Variants in GAREM1 observed in about 807,000 individuals in gnomAD.
GAREM1 encodes the protein GRB2-associated and regulator of MAPK protein 1.
A neutral mutation model predicts 71.3 loss-of-function variants in GAREM1; 26 were observed. The observed-to-expected ratio is 0.36, with a 90% confidence interval of 0.27 to 0.51. The LOEUF (loss-of-function observed/expected upper bound fraction) is 0.51. GAREM1 is among the 20% of genes least tolerant of loss of function. The pLI, the probability that GAREM1 is intolerant of heterozygous loss-of-function variation, is 0.95. For synonymous variants in GAREM1, 440 were observed against 433.2 expected, an observed-to-expected ratio of 1.02 and a Z score of -0.20; for missense variants, 1,026 against 1,103.1, an observed-to-expected ratio of 0.93 and a Z score of 0.99.
At chr18:32,401,883 C>G (rs1308146485) in intron 1 of GAREM1, among the ~76,000 whole-genome samples, 1 of 152,194 alleles carries the variant, frequency 6.6e-6, no homozygotes, top group African/African-American at 2.4e-5. Flanking sequence ...TTAAGTCCTA[C>G]TGCTAGCTGG....
At chr18:32,364,006 A>T (rs1567980528) in intron 2 of GAREM1, among the ~76,000 whole-genome samples, 1 of 41,950 alleles carries the variant, frequency 2.4e-5, no homozygotes, top group African/African-American at 1.4e-4. Context: ...ATATATATAT[A>T]TATATATATA....
intron 1 of GAREM1, among the ~76,000 whole-genome samples, chr18:32,404,539 T>A (rs2048347959): frequency 1.3e-5 from 2 of 152,152 alleles, no homozygotes; most frequent in African/African-American, 2.4e-5. Flanking sequence ...TGCTAGTATA[T>A]TAAGGTGTTT....
Position 32,426,786 on chromosome 18 carries a change from C to T in GAREM1, c.122-33751G>A, listed in dbSNP as rs540031579. ...TTTTTCAACCATTTTTATTCATAAGCTTGTCAAACTGTTTTAACAATTTTC... is the reference window on the plus strand; with the variant it reads ...TTTTTCAACCATTTTTATTCATAAGTTTGTCAAACTGTTTTAACAATTTTC... On this transcript the variant is annotated intron_variant, in intron 1 of 5. Coordinates refer to ENST00000269209, the MANE Select transcript of GAREM1 (RefSeq NM_001242409.2). 2.6e-5 allele frequency among the ~76,000 whole-genome samples: 4 copies of T among 152,292 alleles called. No individual in the cohort carries two copies. The East Asian group carries it at 7.7e-4, about 29-fold the overall frequency.
chr18:32,344,210 G>T lies in GAREM1; in HGVS notation c.263-33887C>A, dbSNP rs1598976515. The stretch of plus-strand genomic sequence containing the variant: ...ACTGTAGGCTGTTTCTTTAGGAATT[G>T]ATCTCTTTTTGGACCCAGATACTCA... On this transcript the variant is annotated intron_variant, in intron 2 of 5. Coordinates refer to ENST00000269209, the MANE Select transcript of GAREM1 (RefSeq NM_001242409.2). Among the ~76,000 whole-genome samples, 4 of 152,130 alleles carry T rather than the reference G, an allele frequency of 2.6e-5. No homozygotes were observed. In the South Asian group the frequency reaches 8.3e-4, roughly 32 times the overall value.
chr18:32,404,510 G>A (rs577810831), intron 1 of GAREM1, among the ~76,000 whole-genome samples: 1 of 151,460 alleles, frequency 6.6e-6, no homozygotes, highest in African/African-American at 2.4e-5. Flanking sequence ...TGTGATTTTA[G>A]TTAATTCTAT....
chr18:32,419,560 A>G lies in GAREM1; in HGVS notation c.122-26525T>C, dbSNP rs143421903. On this transcript the variant is annotated intron_variant, in intron 1 of 5. Coordinates refer to ENST00000269209, the MANE Select transcript of GAREM1 (RefSeq NM_001242409.2). ...ACTGGCACTGTGATCCTGGAATGCCAGCCTCCAGAACTGTGAGAAATAAAT... is the reference window on the plus strand; with the variant it reads ...ACTGGCACTGTGATCCTGGAATGCCGGCCTCCAGAACTGTGAGAAATAAAT... 1.1e-3 allele frequency among the ~76,000 whole-genome samples: 166 copies of G among 152,318 alleles called. 1 individual carries two copies. The highest frequency in any genetic ancestry group is 3.7e-3 in the African/African-American group (153 of 41,580).
intron 3 of GAREM1, among the ~76,000 whole-genome samples, chr18:32,308,045 C>T (rs1419843651): frequency 1.3e-5 from 2 of 152,132 alleles, no homozygotes; most frequent in African/African-American, 2.4e-5. Flanking sequence ...TTTAATGATT[C>T]ATGCAAGCTA....
intron 1 of GAREM1, among the ~76,000 whole-genome samples, chr18:32,427,491 T>C (rs139310478): frequency 1.1e-4 from 16 of 152,304 alleles, no homozygotes; most frequent in African/African-American, 3.1e-4. Context: ...CTTGAAATGA[T>C]TGCAATGGTG....
At chr18:32,306,302 C>A (rs995866636) in intron 3 of GAREM1, among the ~76,000 whole-genome samples, 4 of 152,098 alleles carry the variant, frequency 2.6e-5, no homozygotes, top group Non-Finnish European at 5.9e-5. Flanking sequence ...CTTCTAGACC[C>A]CTAAATGCTG....
At chr18:32,375,867 A>C (rs1382020709) in intron 2 of GAREM1, among the ~76,000 whole-genome samples, 1 of 152,222 alleles carries the variant, frequency 6.6e-6, no homozygotes, top group Non-Finnish European at 1.5e-5. Flanking sequence ...GGTCTTCATA[A>C]AAGGGTTGAA....
chr18:32,421,720 T>A (rs1225334694), intron 1 of GAREM1, among the ~76,000 whole-genome samples: 1 of 152,142 alleles, frequency 6.6e-6, no homozygotes, highest in African/African-American at 2.4e-5. Context: ...TCCCCCATAT[T>A]ACCCAAGCTA....
Position 32,267,204 on chromosome 18 carries a change from T to C in GAREM1, c.*667A>G, listed in dbSNP as rs1033893213. 6.6e-6 allele frequency: 1 copy of C among 152,250 alleles called. No homozygotes were observed. The highest frequency in any genetic ancestry group is 2.4e-5 in the African/African-American group (1 of 41,466). The allele number at this position is 152,250 out of a possible 1,614,324, so 9.4% of individuals were successfully genotyped here. On this transcript the variant is annotated 3_prime_UTR_variant, in exon 6 of 6. Transcript: ENST00000269209. The stretch of plus-strand genomic sequence containing the variant: ...CCTATACATGTTTATATATGTATAT[T>C]CTTTTTTCTCTGCTCAATAAAATTA...
intron 2 of GAREM1, among the ~76,000 whole-genome samples, chr18:32,386,464 T>C (rs1422722778): frequency 6.6e-6 from 1 of 152,216 alleles, no homozygotes; most frequent in African/African-American, 2.4e-5. Context: ...CTTACTTCTG[T>C]ACATATTACA....
At chr18:32,442,671 TGGCA>T (rs931856794) in intron 1 of GAREM1, among the ~76,000 whole-genome samples, 2 of 152,202 alleles carry the variant, frequency 1.3e-5, no homozygotes, top group African/African-American at 4.8e-5. Flanking sequence ...ATATGGGATG[TGGCA>T]GTTCCCAAGT....
chr18:32,436,755 C>A (rs1311659909), intron 1 of GAREM1, among the ~76,000 whole-genome samples: 1 of 152,072 alleles, frequency 6.6e-6, no homozygotes, highest in Admixed American at 6.6e-5. Flanking sequence ...CTAAAATGGA[C>A]AAAATCTCAA....
At chr18:32,449,187 A>G (rs1386789378) in intron 1 of GAREM1, among the ~76,000 whole-genome samples, 1 of 152,178 alleles carries the variant, frequency 6.6e-6, no homozygotes, top group Non-Finnish European at 1.5e-5. Context: ...ATGTATGTAA[A>G]GTGTTGTACA....
At chr18:32,315,706 T>C (rs1385855903) in intron 2 of GAREM1, among the ~76,000 whole-genome samples, 1 of 152,016 alleles carries the variant, frequency 6.6e-6, no homozygotes, top group African/African-American at 2.4e-5. Context: ...CTGCATTCCC[T>C]TAAAACTGTG....
intron 2 of GAREM1, among the ~76,000 whole-genome samples, chr18:32,343,765 G>A (rs1368371700): frequency 6.6e-6 from 1 of 152,040 alleles, no homozygotes; most frequent in Non-Finnish European, 1.5e-5. Context: ...AGGAAATACT[G>A]TTGCCATCTG....
At chr18:32,397,951 T>C (rs2048274366) in intron 1 of GAREM1, among the ~76,000 whole-genome samples, 1 of 152,094 alleles carries the variant, frequency 6.6e-6, no homozygotes, top group African/African-American at 2.4e-5. Context: ...GAACAGAAAT[T>C]ATAACGAACT....
Sources: allele counts gnomAD v4.1 joint callset (sites outside exome capture counted in the v4.1 genomes callset), GRCh38; gene constraint gnomAD v4.1.1; transcripts MANE v1.5; gene names NCBI Gene and HGNC (gene_info 2026-07-23, HGNC 2026-07-21).